Variants in MAP3K3 observed in about 807,000 individuals in gnomAD.
The protein encoded by MAP3K3 is mitogen-activated protein kinase kinase kinase 3.
In MAP3K3, 12 loss-of-function variants were observed where a neutral mutation model predicts 80.9. That is an observed-to-expected ratio of 0.15 (90% confidence interval 0.10 to 0.24). The LOEUF (loss-of-function observed/expected upper bound fraction) is 0.24, where lower values mean the gene tolerates loss of function less well. MAP3K3 is among the 10% of genes least tolerant of loss of function. The pLI, the probability that MAP3K3 is intolerant of heterozygous loss-of-function variation, is 1.00. For missense variants in MAP3K3, 596 were observed against 834.7 expected (o/e 0.71, Z 3.52); for synonymous variants, 272 against 307.1 (o/e 0.89, Z 1.19).
At chr17:63,640,655 C>T (rs755713679) in intron 2 of MAP3K3, among the ~76,000 whole-genome samples, 9 of 152,034 alleles carry the variant, frequency 5.9e-5, no homozygotes, top group Admixed American at 2.0e-4. Context: ...AGGATAGCTT[C>T]GATAAAAAGC....
chr17:63,674,347 T>A (rs750932299), intron 6 of MAP3K3, among the ~76,000 whole-genome samples: 4 of 151,852 alleles, frequency 2.6e-5, no homozygotes, highest in Non-Finnish European at 5.9e-5. Context: ...GGTGGATTGC[T>A]TGAGCCCAGG....
Position 63,689,498 on chromosome 17 carries a change from A to C in MAP3K3, c.872-46A>C, listed in dbSNP as rs776120501. On this transcript the variant is annotated intron_variant, in intron 10 of 15. Coordinates refer to ENST00000361733, the MANE Select transcript of MAP3K3 (RefSeq NM_002401.5). This position sits in a 1 kb window ranked among gnomAD's most constrained non-coding sequence, Gnocchi z 4.3. ...ACCTGGTTTGTACGTTCCGCCTCGT[A>C]GCCTGGGGTGTGACTTGCTCTCCTC... The C allele has an allele frequency of 6.4e-7, 1 of 1,556,262 alleles. No individual in the cohort carries two copies. Among genetic ancestry groups the C allele is most frequent in the Non-Finnish European group, 8.8e-7 (1 of 1,141,760 alleles).
intron 2 of MAP3K3, among the ~76,000 whole-genome samples, chr17:63,634,471 T>G (rs1481846100): frequency 1.3e-5 from 2 of 152,176 alleles, no homozygotes; most frequent in Non-Finnish European, 1.5e-5. Context: ...TAGGACTCCT[T>G]CTGCTTAGAG....
Position 63,629,669 on chromosome 17 carries a change from A to C in MAP3K3, c.5-3012A>C, listed in dbSNP as rs16947006. Among the ~76,000 whole-genome samples the C allele has an allele frequency of 9.1e-3, 1,385 of 152,364 alleles. 18 individuals are homozygous for C. Among genetic ancestry groups the C allele is most frequent in the African/African-American group, 0.032 (1,340 of 41,588 alleles). On this transcript the variant is annotated intron_variant, in intron 1 of 15. Coordinates refer to ENST00000361733, the MANE Select transcript of MAP3K3 (RefSeq NM_002401.5). Reference sequence around the variant, plus strand: ...TACATGTCCTCTGAAGTATCAGTTGAAGAACCTGTCTACCTCTAGGAATGT... The same window carrying C: ...TACATGTCCTCTGAAGTATCAGTTGCAGAACCTGTCTACCTCTAGGAATGT...
chr17:63,686,726 T>C (rs2035457678), intron 8 of MAP3K3, among the ~76,000 whole-genome samples: 1 of 152,126 alleles, frequency 6.6e-6, no homozygotes, highest in African/African-American at 2.4e-5. Flanking sequence ...ATAGCTAAAT[T>C]TACCCGCCTC....
At chr17:63,656,569 C>T (rs1046317717) in intron 4 of MAP3K3, among the ~76,000 whole-genome samples, 2 of 152,076 alleles carry the variant, frequency 1.3e-5, no homozygotes, top group African/African-American at 2.4e-5. Flanking sequence ...TGTGCCACTG[C>T]ACTCCAGCCT....
intron 5 of MAP3K3, among the ~76,000 whole-genome samples, chr17:63,658,334 A>G (rs1342163707): frequency 3.3e-5 from 5 of 152,164 alleles, no homozygotes; most frequent in African/African-American, 1.2e-4. Context: ...CCCTTGGAAC[A>G]CTTGTAGGAA....
Position 63,692,565 on chromosome 17 carries a change from G to GCTACTGCACC in MAP3K3, c.1652+147_1652+148insTACTGCACCC. 1 of 796,826 alleles carries GCTACTGCACC rather than the reference G, an allele frequency of 1.3e-6. No homozygotes were observed. Among genetic ancestry groups the GCTACTGCACC allele is most frequent in the Non-Finnish European group, 1.9e-6 (1 of 522,060 alleles). The allele number at this position is 796,826 out of a possible 1,614,324, so 49.4% of individuals were successfully genotyped here. A position where few individuals can be genotyped will look rare whatever the true frequency, so the allele number is the denominator to read the frequency against. ...AGTGTGTGCAAGGGTATTATTGGGT[G>GCTACTGCACC]CAGTAGCACACACACCACATGGGTG... On this transcript the variant is annotated intron_variant, in intron 15 of 15. Coordinates refer to ENST00000361733, the MANE Select transcript of MAP3K3 (RefSeq NM_002401.5). This position sits in a 1 kb window ranked among gnomAD's most constrained non-coding sequence, Gnocchi z 4.5.
intron 5 of MAP3K3, among the ~76,000 whole-genome samples, chr17:63,664,318 C>T (rs1481464155): frequency 1.3e-5 from 2 of 149,336 alleles, no homozygotes; most frequent in Non-Finnish European, 3.0e-5. Flanking sequence ...TTAATTAAAT[C>T]ACCTCAGATG....
chr17:63,687,113 C>G (rs917870937), intron 8 of MAP3K3, among the ~76,000 whole-genome samples: 5 of 151,990 alleles, frequency 3.3e-5, no homozygotes, highest in African/African-American at 1.2e-4. Context: ...CGCCTGTAAT[C>G]CCAGCACTTT....
intron 6 of MAP3K3, chr17:63,673,036 C>T (rs2035142419): frequency 1.3e-5 from 2 of 152,196 alleles, no homozygotes; most frequent in South Asian, 4.1e-4. Context: ...TTGCCATCAT[C>T]GTTTACATAC....
chr17:63,632,862 A>AAT (rs767428124), intron 2 of MAP3K3, 60 bp downstream of exon 2: 20 of 1,604,264 alleles, frequency 1.2e-5, no homozygotes, highest in Non-Finnish European at 1.6e-5. Context: ...TCAAATGGGA[A>AAT]ATATACGAAA....
Position 63,667,063 on chromosome 17 carries a change from G to A in MAP3K3, c.502+3G>A. The A allele has an allele frequency of 6.3e-7, 1 of 1,591,624 alleles. No individual in the cohort carries two copies. The highest frequency in any genetic ancestry group is 8.5e-7 in the Non-Finnish European group (1 of 1,173,466). On this transcript the variant is annotated splice_donor_region_variant and intron_variant, in intron 6 of 15. Transcript: ENST00000361733. ...CAGAAGCAGGCACCTCTCTGTCAGT[G>A]AGTATTTCAACCCTTTTTTCTCCCC...
intron 6 of MAP3K3, among the ~76,000 whole-genome samples, chr17:63,678,600 GA>G (rs1429231604): frequency 6.6e-6 from 1 of 152,244 alleles, no homozygotes; most frequent in African/African-American, 2.4e-5. Context: ...TCCTTGGAGG[GA>G]GGCTGGGGTG....
intron 1 of MAP3K3, among the ~76,000 whole-genome samples, chr17:63,631,735 C>T (rs1330324058): frequency 6.6e-6 from 1 of 152,122 alleles, no homozygotes; most frequent in Non-Finnish European, 1.5e-5. Flanking sequence ...AAAGTAATGC[C>T]AGTAAGGTGG....
intron 3 of MAP3K3, 24 bp downstream of exon 3, chr17:63,646,098 G>A: frequency 6.2e-7 from 1 of 1,611,908 alleles, no homozygotes; most frequent in Non-Finnish European, 8.5e-7. Flanking sequence ...CTGATGAGTA[G>A]CTGTGTTCAT....
At chr17:63,623,490 A>G (rs1168256304) in intron 1 of MAP3K3, among the ~76,000 whole-genome samples, 1 of 152,230 alleles carries the variant, frequency 6.6e-6, no homozygotes, top group Non-Finnish European at 1.5e-5. Context: ...CCCTGAAATT[A>G]TGTAACTTTT....
intron 6 of MAP3K3, among the ~76,000 whole-genome samples, chr17:63,670,873 A>G (rs2035093493): frequency 6.6e-6 from 1 of 152,198 alleles, no homozygotes; most frequent in Admixed American, 6.5e-5. Flanking sequence ...GGAGGGAGGC[A>G]GAGCCTTGTG....
At chr17:63,651,939 G>C (rs1475312012) in intron 3 of MAP3K3, among the ~76,000 whole-genome samples, 1 of 152,180 alleles carries the variant, frequency 6.6e-6, no homozygotes, top group African/African-American at 2.4e-5. Flanking sequence ...TCAAGTCCTA[G>C]AGTTGAGTCC....
Sources: allele counts gnomAD v4.1 joint callset (sites outside exome capture counted in the v4.1 genomes callset), GRCh38; gene constraint gnomAD v4.1.1; non-coding constraint Gnocchi (gnomAD v3.1); transcripts MANE v1.5; gene names NCBI Gene and HGNC (gene_info 2026-07-23, HGNC 2026-07-21).